FHIT: variants seen among roughly 807,000 people sequenced by gnomAD.
FHIT encodes the protein fragile histidine triad diadenosine triphosphatase.
Under a neutral mutation model 17.9 loss-of-function variants are expected in FHIT, and 19 were observed. The ratio of observed to expected loss-of-function variants is 1.06; its 90% confidence interval spans 0.74 to 1.56. The LOEUF (loss-of-function observed/expected upper bound fraction) is 1.56, where lower values mean the gene tolerates loss of function less well. Ranked by LOEUF, FHIT falls within the 40% of genes most tolerant of loss-of-function variation. The pLI is 0.00. For missense variants in FHIT, 248 were observed against 189.2 expected, an observed-to-expected ratio of 1.31 and a Z score of -1.82; for synonymous variants, 81 against 69.7, an observed-to-expected ratio of 1.16 and a Z score of -0.81.
chr3:60,420,486 A>G (rs559789613), intron 5 of FHIT, among the ~76,000 whole-genome samples: 1 of 152,260 alleles, frequency 6.6e-6, no homozygotes, highest in South Asian at 2.1e-4. Context: ...ATTTAAAATG[A>G]TACAGCCAAA....
At chr3:61,123,902 T>C (rs572589696) in intron 2 of FHIT, among the ~76,000 whole-genome samples, 3 of 152,206 alleles carry the variant, frequency 2.0e-5, no homozygotes, top group Non-Finnish European at 4.4e-5. Flanking sequence ...ATGGATACTC[T>C]TGAGCCCAGG....
intron 2 of FHIT, among the ~76,000 whole-genome samples, chr3:61,121,706 G>C (rs754885264): frequency 2.0e-5 from 3 of 152,106 alleles, no homozygotes; most frequent in Non-Finnish European, 4.4e-5. Flanking sequence ...TAACCAGCTT[G>C]CATCATAAAG....
intron 5 of FHIT, among the ~76,000 whole-genome samples, chr3:60,045,465 A>T (rs1328147052): frequency 6.6e-6 from 1 of 152,152 alleles, no homozygotes. Flanking sequence ...CACCATCATG[A>T]GAACAGCTTG....
chr3:59,828,230 T>TA (rs1199971331), intron 8 of FHIT, among the ~76,000 whole-genome samples: 2 of 152,216 alleles, frequency 1.3e-5, no homozygotes, highest in Admixed American at 6.5e-5. Flanking sequence ...TCATAGTTTT[T>TA]AAAAAATAAT....
intron 5 of FHIT, among the ~76,000 whole-genome samples, chr3:60,304,608 G>C (rs900494735): frequency 6.6e-6 from 1 of 152,016 alleles, no homozygotes; most frequent in African/African-American, 2.4e-5. Context: ...ATAAAACATA[G>C]GATAAGCAGT....
chr3:60,652,954 A>AAAACAAAACCAAACC (rs151052424), intron 4 of FHIT, among the ~76,000 whole-genome samples: 13 of 130,178 alleles, frequency 1.0e-4, no homozygotes, highest in South Asian at 4.9e-4. Context: ...AAAACAAAAC[A>AAAACAAAACCAAACC]AAACCTTACT....
intron 7 of FHIT, among the ~76,000 whole-genome samples, chr3:59,961,379 T>C (rs1175614031): frequency 6.6e-6 from 1 of 151,890 alleles, no homozygotes; most frequent in Non-Finnish European, 1.5e-5. Context: ...CCTGGTTCCA[T>C]AAGGAAAAAA....
intron 1 of FHIT, among the ~76,000 whole-genome samples, chr3:61,208,480 T>A (rs1049844136): frequency 1.2e-4 from 19 of 152,106 alleles, no homozygotes; most frequent in Middle Eastern, 3.2e-3. Flanking sequence ...AGGACTTGCT[T>A]TATGAATCTG....
intron 5 of FHIT, among the ~76,000 whole-genome samples, chr3:60,058,010 G>C (rs530805823): frequency 5.9e-5 from 9 of 152,004 alleles, no homozygotes; most frequent in African/African-American, 2.2e-4. Context: ...ACTTCTGTGA[G>C]GTACCTAGAA....
At chr3:60,889,903 T>C (rs1046572873) in intron 3 of FHIT, among the ~76,000 whole-genome samples, 8 of 152,152 alleles carry the variant, frequency 5.3e-5, no homozygotes, top group Non-Finnish European at 1.5e-5. Context: ...GAAACTCATA[T>C]TGATCCTTTA....
At chr3:60,465,902 T>G (rs1175004460) in intron 5 of FHIT, among the ~76,000 whole-genome samples, 2 of 152,094 alleles carry the variant, frequency 1.3e-5, no homozygotes, top group East Asian at 3.8e-4. Context: ...GCTAAGATTA[T>G]TTTTTTCTAT....
intron 5 of FHIT, among the ~76,000 whole-genome samples, chr3:60,516,924 G>T (rs2035181968): frequency 6.6e-6 from 1 of 152,100 alleles, no homozygotes; most frequent in Non-Finnish European, 1.5e-5. Context: ...TACAAACTTC[G>T]ACTTCATGGG....
chr3:60,649,608 G>A (rs2039944513), intron 4 of FHIT, among the ~76,000 whole-genome samples: 1 of 152,076 alleles, frequency 6.6e-6, no homozygotes, highest in Admixed American at 6.6e-5. Flanking sequence ...CAACAAAATA[G>A]TATTACTGGA....
intron 5 of FHIT, among the ~76,000 whole-genome samples, chr3:60,356,769 A>AAAAAAAAAC (rs1699680876): frequency 2.1e-5 from 3 of 144,256 alleles, no homozygotes; most frequent in African/African-American, 8.6e-5. Flanking sequence ...AAAAAAAAAA[A>AAAAAAAAAC]AAAAAAAAAA....
chr3:60,130,762 G>T (rs867770743), intron 5 of FHIT, among the ~76,000 whole-genome samples: 14 of 41,968 alleles, frequency 3.3e-4, no homozygotes, highest in African/African-American at 1.7e-3. Flanking sequence ...GTGTGTGTGT[G>T]TGTTTGTGTG....
At chr3:60,639,691 A>G (rs2039677968) in intron 4 of FHIT, among the ~76,000 whole-genome samples, 1 of 152,194 alleles carries the variant, frequency 6.6e-6, no homozygotes, top group Non-Finnish European at 1.5e-5. Flanking sequence ...GGAAACACTA[A>G]AAGGAACTAA....
At chr3:59,859,642 GC>G (rs1702324445) in intron 8 of FHIT, among the ~76,000 whole-genome samples, 1 of 152,150 alleles carries the variant, frequency 6.6e-6, no homozygotes. Flanking sequence ...TTGCTTAGAA[GC>G]TGGGAGGCGG....
At chr3:60,222,133 A>C (rs1317457338) in intron 5 of FHIT, among the ~76,000 whole-genome samples, 1 of 152,160 alleles carries the variant, frequency 6.6e-6, no homozygotes, top group African/African-American at 2.4e-5. Context: ...AGGGAGCTCA[A>C]CTTGGGAATG....
intron 5 of FHIT, among the ~76,000 whole-genome samples, chr3:60,149,282 G>C (rs1358495824): frequency 6.6e-6 from 1 of 151,612 alleles, no homozygotes; most frequent in African/African-American, 2.4e-5. Flanking sequence ...AGAGAATTTT[G>C]TATGAGGAAC....
Sources: gnomAD v4.1 joint callset for allele counts (sites outside exome capture counted in the v4.1 genomes callset) on GRCh38, gnomAD v4.1.1 for gene constraint, MANE v1.5 for transcripts, NCBI Gene and HGNC (gene_info 2026-07-23, HGNC 2026-07-21) for gene names.